Variants in BRCA1 observed in about 807,000 individuals in gnomAD.
BRCA1 encodes the protein breast cancer type 1 susceptibility protein.
In BRCA1, 140 loss-of-function variants were observed where a neutral mutation model predicts 173.7. The observed-to-expected ratio is 0.81, with a 90% CI of 0.70 to 0.93. BRCA1 has a LOEUF of 0.93. Ranked by LOEUF, BRCA1 falls within the 40% of genes least tolerant of loss-of-function variation. The probability of loss-of-function intolerance (pLI) is 0.00; values close to 1 mark genes in which losing one functional copy is unlikely to be tolerated. For missense variants in BRCA1, 1,983 were observed against 2,172.5 expected, an observed-to-expected ratio of 0.91 and a Z score of 1.73; for synonymous variants, 662 against 756.0, an observed-to-expected ratio of 0.88 and a Z score of 2.04.
intron 6 of BRCA1, among the ~76,000 whole-genome samples, 161 bp from the exon 7 acceptor site, chr17:43,100,041 T>C (rs1220509845): frequency 3.9e-5 from 6 of 152,288 alleles, no homozygotes; most frequent in South Asian, 2.1e-4. Context: ...CACACTAAAA[T>C]GTCTGGGGCT....
Position 43,063,307 on chromosome 17 carries a change from G to A in BRCA1, c.5193+26C>T, listed in dbSNP as rs1177812250. 2 of 1,570,758 alleles carry A rather than the reference G, an allele frequency of 1.3e-6. No individual in the cohort carries two copies. The highest frequency in any genetic ancestry group is 2.7e-5 in the African/African-American group (2 of 73,848). ...CTATATGACTGAATGAATATCTCTG[G>A]TTAGTTTGTAACATCAAGTACTTAC... is the stretch of plus-strand genomic sequence containing the variant. On this transcript the variant is annotated intron_variant, in intron 18 of 22. Transcript: ENST00000357654.
chr17:43,092,622 T>C lies in BRCA1; in HGVS notation c.2909A>G (p.Lys970Arg), dbSNP rs756559408. 6.2e-7 allele frequency: 1 copy of C among 1,613,918 alleles called. No homozygotes were observed. Among genetic ancestry groups the C allele is most frequent in the African/African-American group, 1.3e-5 (1 of 74,882 alleles). ...ATATGGGTTTTGTAAAAGTCCATGT[T>C]TATTTGGAGTAATGAGTCCAGTTTC... ...GNETGLITPN[K>R]HGLLQNPYRI... The change falls in exon 10 of 23, where the codon AAA becomes AGA. Residue 970 changes from lysine (K) to arginine (R), a missense_variant. Lys to Arg is a conservative substitution (Grantham distance 26). Transcript: ENST00000357654.
At position 43,070,937 on chromosome 17, in the gene BRCA1, T is replaced by C. The variant is rs1131692087; in HGVS notation, c.4977A>G (p.Pro1659=). Residue 1659 remains proline (P), a synonymous_variant, in exon 15 of 23, where the codon CCA becomes CCG. Transcript: ENST00000357654. ...ATATGGATACACTCACAAATTCTTC[T>C]GGGGTCAGGCCAGACACCACCATGG... ...RMSMVVSGLT[P]EEFMLVYKFA... The C allele has an allele frequency of 1.2e-6, 2 of 1,614,182 alleles. No homozygotes were observed. Among genetic ancestry groups the C allele is most frequent in the Non-Finnish European group, 1.7e-6 (2 of 1,180,036 alleles).
At chr17:43,049,813 T>C (rs1414663820) in intron 20 of BRCA1, among the ~76,000 whole-genome samples, 1 of 152,218 alleles carries the variant, frequency 6.6e-6, no homozygotes, top group Non-Finnish European at 1.5e-5. Flanking sequence ...ATGGGCTCTG[T>C]TGGCTGTGTT....
chr17:43,082,453 A>G lies in BRCA1; in HGVS notation c.4308T>C (p.Ser1436=), dbSNP rs1060915. ...SNSYPSIISD[S]SALEDLRNPE... is the part of the protein sequence containing the mutation. ...GATTTCGCAGGTCCTCAAGGGCAGA[A>G]GAGTCACTTATGATGGAAGGGTAGC... The change falls in exon 12 of 23, where the codon TCT becomes TCC. Residue 1436 remains serine, a synonymous_variant. Transcript: ENST00000357654. 539,147 of 1,613,730 alleles carry G rather than the reference A, an allele frequency of 0.33. 92,806 individuals are homozygous for G. Among genetic ancestry groups the G allele is most frequent in the South Asian group, 0.5 (45,382 of 91,072 alleles).
Position 43,086,109 on chromosome 17 carries a change from TAC to T in BRCA1, c.4186-3536_4186-3535del, listed in dbSNP as rs376686434. On this transcript the variant is annotated intron_variant, in intron 11 of 22. Coordinates refer to ENST00000357654, the MANE Select transcript of BRCA1 (RefSeq NM_007294.4). ...TCCTATATTTATTTTATCACATACA[TAC>T]ACACACACACACACACACACACACA... 7.8e-3 allele frequency among the ~76,000 whole-genome samples: 1,074 copies of T among 137,140 alleles called. 4 individuals are homozygous for T. Among genetic ancestry groups the T allele is most frequent in the Middle Eastern group, 0.018 (5 of 274 alleles). The allele number at this position is 137,140 out of a possible 152,430, so 90.0% of individuals were successfully genotyped here.
chr17:43,151,478 T>C (rs565014328), intron 1 of BRCA1, among the ~76,000 whole-genome samples: 78 of 152,120 alleles, frequency 5.1e-4, no homozygotes, highest in Non-Finnish European at 1.1e-3. Flanking sequence ...TCTGGGACTC[T>C]GTCTCAAAAA....
intron 1 of BRCA1, 101 bp downstream of exon 1, chr17:43,125,169 CG>C (rs1567824285): frequency 6.6e-6 from 3 of 455,530 alleles, no homozygotes; most frequent in East Asian, 7.0e-5. Flanking sequence ...CCCTACCCCC[CG>C]TCAAAGAATA....
upstream of BRCA1, among the ~76,000 whole-genome samples, chr17:43,128,011 G>A (rs546925755): frequency 4.5e-4 from 57 of 126,894 alleles, no homozygotes; most frequent in Admixed American, 8.7e-5. Context: ...GTGACAGAGG[G>A]AGACTCCATC....
intron 2 of BRCA1, among the ~76,000 whole-genome samples, chr17:43,118,925 G>T (rs1035917723): frequency 6.6e-6 from 1 of 151,920 alleles, no homozygotes; most frequent in African/African-American, 2.4e-5. Context: ...TGCCACACCC[G>T]GCTAATTTTT....
At chr17:43,161,738 T>C (rs2056237104) in intron 1 of BRCA1, 1 of 152,252 alleles carries the variant, frequency 6.6e-6, no homozygotes, top group African/African-American at 2.4e-5. Flanking sequence ...CCAGAAATTA[T>C]CAGGGTGATT....
At chr17:43,070,821 T>G in intron 15 of BRCA1, 107 bp downstream of exon 15, 1 of 1,305,456 alleles carries the variant, frequency 7.7e-7, no homozygotes, top group South Asian at 1.2e-5. Context: ...TGTGATTGTT[T>G]TCTAGATTTC....
In BRCA1 at chr17:43,075,066, C is replaced by CGGAA. The variant is rs8176207; in HGVS notation, c.4485-549_4485-546dup. 0.32 allele frequency among the ~76,000 whole-genome samples: 46,601 copies of CGGAA among 147,066 alleles called. 7,545 individuals carry two copies. Among genetic ancestry groups the CGGAA allele is most frequent in the South Asian group, 0.49 (2,278 of 4,628 alleles). The stretch of plus-strand genomic sequence containing the variant: ...AAGGGAGGGAAAGGAAAGGAAAGGA[C>CGGAA]GGAAGGAAGGAAGGAAGGAAAGGAA... On this transcript the variant is annotated intron_variant, in intron 13 of 22. Coordinates refer to ENST00000357654, the MANE Select transcript of BRCA1 (RefSeq NM_007294.4).
chr17:43,124,592 T>G lies in BRCA1; in HGVS notation c.-19-477A>C, dbSNP rs375003483. 4.1e-4 allele frequency: 72 copies of G among 174,474 alleles called. 2 individuals carry two copies. The Middle Eastern group carries it at 0.026, about 64-fold the overall frequency. 10.8% of individuals were successfully genotyped at this position (174,474 alleles called of 1,614,324 possible). A position where few individuals can be genotyped will look rare whatever the true frequency, so the allele number is the denominator to read the frequency against. Reference sequence around the variant, plus strand: ...CGGCAGCATCTGTTACTACTGACGCTCCTCTACTTCCCTCTTGCGCTTTCT... The same window carrying G: ...CGGCAGCATCTGTTACTACTGACGCGCCTCTACTTCCCTCTTGCGCTTTCT... On this transcript the variant is annotated intron_variant, in intron 1 of 22. Transcript: ENST00000357654.
At chr17:43,066,974 C>G (rs112349597) in intron 16 of BRCA1, among the ~76,000 whole-genome samples, 3 of 151,512 alleles carry the variant, frequency 2.0e-5, no homozygotes, top group Non-Finnish European at 2.9e-5. Context: ...CCTGCCACCA[C>G]GCCCACCTAA....
chr17:43,151,296 A>G (rs1259502929), intron 1 of BRCA1, among the ~76,000 whole-genome samples: 1 of 152,190 alleles, frequency 6.6e-6, no homozygotes, highest in Non-Finnish European at 1.5e-5. Flanking sequence ...AAAGGATATT[A>G]TATGAAGTGT....
At chr17:43,053,119 A>G (rs1040744584) in intron 19 of BRCA1, among the ~76,000 whole-genome samples, 1 of 151,378 alleles carries the variant, frequency 6.6e-6, no homozygotes, top group Admixed American at 6.6e-5. Context: ...CTCATGATCC[A>G]CCCGCCTCAG....
chr17:43,105,095 G>A, intron 4 of BRCA1, 139 bp from the exon 5 acceptor site: 3 of 706,128 alleles, frequency 4.2e-6, no homozygotes, highest in Non-Finnish European at 2.5e-6. Flanking sequence ...ATACATCATT[G>A]ACATCTGTAT....
At chr17:43,088,368 CTT>C (rs955248890) in intron 11 of BRCA1, among the ~76,000 whole-genome samples, 13 of 143,468 alleles carry the variant, frequency 9.1e-5, no homozygotes, top group Admixed American at 2.1e-4. Flanking sequence ...ATGAATTTAT[CTT>C]TTTTTTTTTT....
Sources: gnomAD v4.1 joint callset for allele counts (sites outside exome capture counted in the v4.1 genomes callset) on GRCh38, gnomAD v4.1.1 for gene constraint, MANE v1.5 for transcripts, NCBI Gene and HGNC (gene_info 2026-07-23, HGNC 2026-07-21) for gene names.